Variants in CATSPERT observed in about 807,000 individuals in gnomAD.
CATSPERT encodes catsper channel auxiliary subunit tau.
the CATSPERT span, among the ~76,000 whole-genome samples, chr2:201,543,051 T>C: frequency 0.18 from 27,933 of 152,234 alleles, 3,386 homozygotes; most frequent in Non-Finnish European, 0.27. Flanking sequence ...AAAAGTCTAA[T>C]TTCAATTCTT....
chr2:201,576,939 C>T, the CATSPERT span, among the ~76,000 whole-genome samples: 1 of 152,140 alleles, frequency 6.6e-6, no homozygotes, highest in African/African-American at 2.4e-5. Flanking sequence ...CCACGTTAAC[C>T]TTTGGTATCC....
the CATSPERT span, among the ~76,000 whole-genome samples, chr2:201,537,132 G>A: frequency 6.6e-6 from 1 of 151,942 alleles, no homozygotes; most frequent in Non-Finnish European, 1.5e-5. Context: ...AGTAAAAACT[G>A]CAGTTACATC....
At chr2:201,591,640 T>C in the CATSPERT span, among the ~76,000 whole-genome samples, 1 of 152,210 alleles carries the variant, frequency 6.6e-6, no homozygotes, top group African/African-American at 2.4e-5. Flanking sequence ...TTCCATTTGT[T>C]TGTATCCTCT....
the CATSPERT span, among the ~76,000 whole-genome samples, chr2:201,583,375 T>C: frequency 1.3e-5 from 2 of 152,198 alleles, no homozygotes; most frequent in African/African-American, 4.8e-5. Context: ...GCAAGGAAAG[T>C]TGTACTGCTG....
chr2:201,493,668 C>A, the CATSPERT span: 1 of 1,537,132 alleles, frequency 6.5e-7, no homozygotes, highest in African/African-American at 1.4e-5. Flanking sequence ...ATTGATTTTC[C>A]AAGTTCATTG....
chr2:201,575,395 AG>A, the CATSPERT span: 1 of 1,297,198 alleles, frequency 7.7e-7, no homozygotes, highest in African/African-American at 1.5e-5. Context: ...ATCGAAACCA[AG>A]GGTCCCCAAC....
the CATSPERT span, chr2:201,601,706 C>A: frequency 6.4e-7 from 1 of 1,566,088 alleles, no homozygotes; most frequent in Non-Finnish European, 8.7e-7. Flanking sequence ...TATAAGGAGC[C>A]ATTCTAATAT....
chr2:201,541,461 C>CAGCCATTA, the CATSPERT span, among the ~76,000 whole-genome samples: 3 of 149,204 alleles, frequency 2.0e-5, no homozygotes, highest in Non-Finnish European at 3.0e-5. Context: ...TGATCAGTCC[C>CAGCCATTA]AGCCATTAAG....
chr2:201,545,611 A>G, the CATSPERT span: 7 of 1,055,980 alleles, frequency 6.6e-6, no homozygotes, highest in South Asian at 1.5e-4. Context: ...TGCCTCATCT[A>G]TATTAGTTTC....
At chr2:201,563,315 G>T in the CATSPERT span, among the ~76,000 whole-genome samples, 1 of 134,126 alleles carries the variant, frequency 7.5e-6, no homozygotes, top group African/African-American at 2.9e-5. Flanking sequence ...GCCGGGCGGG[G>T]GGCTGACCCC....
chr2:201,603,148 G>A, the CATSPERT span: 1 of 1,380,436 alleles, frequency 7.2e-7, no homozygotes, highest in Non-Finnish European at 1.0e-6. Context: ...GTTTTGGAAT[G>A]GTTTGTAATG....
chr2:201,579,926 A>AC, the CATSPERT span, among the ~76,000 whole-genome samples: 2 of 147,930 alleles, frequency 1.4e-5, no homozygotes, highest in Non-Finnish European at 3.0e-5. Context: ...ATCATAGCTC[A>AC]CTGCAGTCTC....
chr2:201,601,815 AT>A, the CATSPERT span: 1 of 1,611,484 alleles, frequency 6.2e-7, no homozygotes, highest in Admixed American at 1.7e-5. Context: ...CAAGCTACAC[AT>A]TTTTGTACAT....
the CATSPERT span, among the ~76,000 whole-genome samples, chr2:201,581,557 T>TAC: frequency 1.9e-5 from 1 of 52,740 alleles, no homozygotes; most frequent in Non-Finnish European, 3.4e-5. Context: ...TGTATATATA[T>TAC]ATATATATAT....
chr2:201,501,130 G>A, the CATSPERT span, among the ~76,000 whole-genome samples: 14 of 152,000 alleles, frequency 9.2e-5, no homozygotes, highest in Non-Finnish European at 1.5e-4. Flanking sequence ...CGGGCATGGT[G>A]GCTTATGCCT....
the CATSPERT span, chr2:201,619,115 C>A: frequency 6.2e-7 from 1 of 1,614,160 alleles, no homozygotes; most frequent in Non-Finnish European, 8.5e-7. Context: ...CTATTTGTCT[C>A]TTGGGGTGGC....
chr2:201,530,961 G>T, the CATSPERT span, among the ~76,000 whole-genome samples: 16 of 106,040 alleles, frequency 1.5e-4, no homozygotes, highest in Admixed American at 2.5e-4. Flanking sequence ...TTTTTTGTGG[G>T]TTTTTTTTTT....
the CATSPERT span, chr2:201,619,042 A>C: frequency 4.3e-6 from 7 of 1,614,076 alleles, no homozygotes; most frequent in Non-Finnish European, 5.9e-6. Flanking sequence ...ATTCCTCTGC[A>C]ATAGCGGGGT....
At chr2:201,604,598 T>A in the CATSPERT span, 1 of 1,529,782 alleles carries the variant, frequency 6.5e-7, no homozygotes, top group Non-Finnish European at 8.9e-7. Context: ...TTTTGAGGGT[T>A]ACTCATACAT....
Sources: allele counts gnomAD v4.1 joint callset (sites outside exome capture counted in the v4.1 genomes callset), GRCh38; gene constraint gnomAD v4.1.1; transcripts MANE v1.5; gene names NCBI Gene and HGNC (gene_info 2026-07-23, HGNC 2026-07-21).